CALN1: variants seen among roughly 807,000 people sequenced by gnomAD.
The protein encoded by CALN1 is calneuron 1, also known as calcium-binding protein 8.
CALN1 carries 17 observed loss-of-function variants against 30.6 expected under a neutral mutation model. That is an observed-to-expected ratio of 0.56 (90% CI 0.38 to 0.83). The LOEUF (loss-of-function observed/expected upper bound fraction) is 0.83. Ranked by LOEUF, CALN1 falls within the 40% of genes least tolerant of loss-of-function variation. The pLI is 0.00. For synonymous variants in CALN1, 156 were observed against 131.4 expected (o/e 1.19, Z -1.28); for missense variants, 291 against 354.9 (o/e 0.82, Z 1.45).
intron 5 of CALN1, among the ~76,000 whole-genome samples, chr7:71,894,116 G>A (rs922076124): frequency 6.6e-6 from 1 of 152,172 alleles, no homozygotes; most frequent in African/African-American, 2.4e-5. Context: ...CACAGCCAGA[G>A]CCCTACTTGT....
At chr7:72,243,965 C>T (rs529135528) in intron 3 of CALN1, among the ~76,000 whole-genome samples, 3 of 152,280 alleles carry the variant, frequency 2.0e-5, no homozygotes, top group Admixed American at 6.5e-5. Flanking sequence ...CTCTATCTAC[C>T]GTACAATGGT....
intron 4 of CALN1, among the ~76,000 whole-genome samples, chr7:72,088,784 G>GGGAAGGAAGGGAAGGAA (rs1554436709): frequency 2.0e-5 from 3 of 149,018 alleles, no homozygotes; most frequent in Non-Finnish European, 4.4e-5. Context: ...AGAGAAGGAA[G>GGGAAGGAAGGGAAGGAA]GGAAGGAAGG....
chr7:72,076,361 G>A (rs1584891420), intron 4 of CALN1, among the ~76,000 whole-genome samples: 1 of 151,486 alleles, frequency 6.6e-6, no homozygotes, highest in Admixed American at 6.6e-5. Flanking sequence ...CACTTTGGGA[G>A]GCCGAGGCGA....
At chr7:72,089,149 C>T (rs968085259) in intron 4 of CALN1, among the ~76,000 whole-genome samples, 1 of 151,772 alleles carries the variant, frequency 6.6e-6, no homozygotes, top group African/African-American at 2.4e-5. Flanking sequence ...TTATAACCAC[C>T]TTACATTAAA....
At chr7:72,105,950 A>T (rs1449695941) in intron 4 of CALN1, among the ~76,000 whole-genome samples, 1 of 152,032 alleles carries the variant, frequency 6.6e-6, no homozygotes, top group Admixed American at 6.5e-5. Context: ...ACCCCATCCT[A>T]TAGTGGCCCT....
chr7:72,285,903 G>A lies in CALN1; in HGVS notation c.120-7093C>T, dbSNP rs560515972. ...TCCTCCAATTACCAGACATACAAGG[G>A]GCAATATTGATCTTGCATGCTAAAG... On this transcript the variant is annotated intron_variant, in intron 2 of 6. Coordinates refer to ENST00000395275, the MANE Select transcript of CALN1 (RefSeq NM_031468.4). Among the ~76,000 whole-genome samples, 3 of 152,120 alleles carry A rather than the reference G, an allele frequency of 2.0e-5. No homozygotes were observed. The East Asian group carries it at 5.8e-4, about 29-fold the overall frequency.
chr7:72,155,299 T>C (rs1219056401), intron 3 of CALN1, among the ~76,000 whole-genome samples: 2 of 151,956 alleles, frequency 1.3e-5, no homozygotes, highest in Non-Finnish European at 2.9e-5. Flanking sequence ...GAGACCTTCC[T>C]GGCTAACACG....
intron 2 of CALN1, chr7:72,336,785 G>A (rs939492576): frequency 1.0e-6 from 1 of 985,222 alleles, no homozygotes; most frequent in Non-Finnish European, 1.2e-6. Context: ...GGCCCGCAGG[G>A]AGGGGGCGGT....
At chr7:71,992,997 T>TAAGAAAGAGAACCATTGGAG (rs137911053) in intron 5 of CALN1, among the ~76,000 whole-genome samples, 9 of 151,650 alleles carry the variant, frequency 5.9e-5, no homozygotes, top group East Asian at 2.0e-4. Context: ...CCTTCGCTCA[T>TAAGAAAGAGAACCATTGGAG]AAGAAAGAGA....
intron 2 of CALN1, among the ~76,000 whole-genome samples, chr7:72,357,868 G>GC (rs1554386265): frequency 1.4e-5 from 2 of 146,928 alleles, no homozygotes; most frequent in East Asian, 3.9e-4. Flanking sequence ...ATATATGTGT[G>GC]TTTTTTTTTA....
At chr7:72,090,841 A>T (rs188120361) in intron 4 of CALN1, among the ~76,000 whole-genome samples, 17 of 152,290 alleles carry the variant, frequency 1.1e-4, no homozygotes, top group African/African-American at 3.6e-4. Flanking sequence ...CAAATATCTC[A>T]TGTTCTCACT....
In CALN1 at chr7:71,787,652, G is replaced by A. The variant is rs574086430; in HGVS notation, c.*123C>T. 1.1e-5 allele frequency: 15 copies of A among 1,386,046 alleles called. No homozygotes were observed. Among genetic ancestry groups the A allele is most frequent in the East Asian group, 7.4e-5 (3 of 40,380 alleles). 85.9% of individuals were successfully genotyped at this position (1,386,046 alleles called of 1,614,324 possible). On this transcript the variant is annotated 3_prime_UTR_variant, in exon 7 of 7. Transcript: ENST00000395275. ...CTCAACCTTGGGTTCTTTACTGAAC[G>A]GTTCCATCGTCCGCATCCATCCATA...
chr7:72,079,761 CTTTTTTTTTT>C (rs3065015), intron 4 of CALN1, among the ~76,000 whole-genome samples: 2,127 of 104,038 alleles, frequency 0.02, 41 homozygotes, highest in Non-Finnish European at 0.027. Context: ...TGCCTTTTTC[CTTTTTTTTTT>C]TTTTTTTTTT....
chr7:72,252,650 G>A (rs117699430), intron 3 of CALN1, among the ~76,000 whole-genome samples: 1 of 151,362 alleles, frequency 6.6e-6, no homozygotes, highest in East Asian at 1.9e-4. Context: ...GGGAGGGAGG[G>A]ACGGAGATCC....
At chr7:71,892,491 A>G (rs1437591157) in intron 5 of CALN1, among the ~76,000 whole-genome samples, 1 of 152,200 alleles carries the variant, frequency 6.6e-6, no homozygotes, top group Non-Finnish European at 1.5e-5. Flanking sequence ...TGCAAAAATT[A>G]GCCAGGAATG....
intron 3 of CALN1, among the ~76,000 whole-genome samples, chr7:72,217,287 C>G (rs557240142): frequency 1.6e-4 from 24 of 152,124 alleles, no homozygotes; most frequent in Non-Finnish European, 3.1e-4. Context: ...TAGCACAGCA[C>G]TGTACCCCAG....
At chr7:72,039,622 C>A (rs764156924) in intron 4 of CALN1, among the ~76,000 whole-genome samples, 4 of 152,128 alleles carry the variant, frequency 2.6e-5, no homozygotes, top group African/African-American at 7.2e-5. Flanking sequence ...GGGTCTCCCC[C>A]ACCACCACCA....
intron 6 of CALN1, among the ~76,000 whole-genome samples, chr7:71,798,061 CAG>C (rs147120862): frequency 6.7e-4 from 78 of 116,418 alleles, no homozygotes; most frequent in African/African-American, 8.3e-4. Flanking sequence ...GAGAGAGAGA[CAG>C]AGAGAGAGAG....
intron 5 of CALN1, among the ~76,000 whole-genome samples, chr7:71,964,923 A>C (rs1797456870): frequency 6.6e-6 from 1 of 152,214 alleles, no homozygotes; most frequent in Non-Finnish European, 1.5e-5. Flanking sequence ...ACTTGGGCTG[A>C]GCTCACAATC....
Sources: allele counts gnomAD v4.1 joint callset (sites outside exome capture counted in the v4.1 genomes callset), GRCh38; gene constraint gnomAD v4.1.1; transcripts MANE v1.5; gene names NCBI Gene and HGNC (gene_info 2026-07-23, HGNC 2026-07-21).